ATP2B2: variants seen among roughly 807,000 people sequenced by gnomAD.
ATP2B2 encodes the protein plasma membrane calcium-transporting ATPase 2.
ATP2B2 carries 15 observed loss-of-function variants against 120.0 expected under a neutral mutation model. The observed-to-expected ratio is 0.12, with a 90% CI of 0.08 to 0.19. ATP2B2 has a LOEUF of 0.19. Ranked by LOEUF, ATP2B2 falls within the 10% of genes least tolerant of loss-of-function variation. ATP2B2 has a pLI of 1.00. For synonymous variants in ATP2B2, 694 were observed against 700.3 expected (o/e 0.99, Z 0.14); for missense variants, 1,045 against 1,719.8 (o/e 0.61, Z 6.94).
At chr3:10,519,633 A>G (rs2066943395) in intron 3 of ATP2B2, among the ~76,000 whole-genome samples, 1 of 152,206 alleles carries the variant, frequency 6.6e-6, no homozygotes, top group African/African-American at 2.4e-5. Flanking sequence ...AAAGCTTCCA[A>G]TGAATGTTTT....
chr3:10,535,688 T>C (rs1428323113), intron 2 of ATP2B2, among the ~76,000 whole-genome samples: 1 of 152,226 alleles, frequency 6.6e-6, no homozygotes, highest in African/African-American at 2.4e-5. Context: ...TAGGTGGTTG[T>C]GTGTAACAAG....
intron 3 of ATP2B2, among the ~76,000 whole-genome samples, chr3:10,518,293 G>C (rs1004389328): frequency 2.0e-5 from 3 of 152,194 alleles, no homozygotes; most frequent in East Asian, 3.9e-4. Context: ...ACACATCAAA[G>C]TAAGTGCACA....
intron 2 of ATP2B2, among the ~76,000 whole-genome samples, chr3:10,573,158 T>A (rs2068165377): frequency 6.6e-6 from 1 of 152,068 alleles, no homozygotes; most frequent in South Asian, 2.1e-4. Context: ...TACATTTTTT[T>A]TTTTTTGCAT....
chr3:10,596,309 C>A (rs1200605310), intron 2 of ATP2B2, among the ~76,000 whole-genome samples: 1 of 152,158 alleles, frequency 6.6e-6, no homozygotes, highest in Admixed American at 6.5e-5. Context: ...TATTTAGAAC[C>A]AAAGTTCTAT....
At chr3:10,543,336 T>C (rs1575478975) in intron 2 of ATP2B2, among the ~76,000 whole-genome samples, 1 of 152,212 alleles carries the variant, frequency 6.6e-6, no homozygotes, top group Non-Finnish European at 1.5e-5. Context: ...GGGAGTGTAG[T>C]GTCAAAGAAA....
At chr3:10,416,248 G>C (rs1186796422) in intron 2 of ATP2B2, among the ~76,000 whole-genome samples, 1 of 152,192 alleles carries the variant, frequency 6.6e-6, no homozygotes, top group Non-Finnish European at 1.5e-5. Context: ...GCTGCTTGCT[G>C]TCAGTGGGTA....
intron 3 of ATP2B2, among the ~76,000 whole-genome samples, chr3:10,532,977 G>T (rs1306409750): frequency 6.6e-6 from 1 of 152,216 alleles, no homozygotes. Context: ...GGGAAGGTCA[G>T]ATGAGATGGC....
At chr3:10,512,491 C>CAG (rs1162297438) in intron 3 of ATP2B2, among the ~76,000 whole-genome samples, 29 of 151,966 alleles carry the variant, frequency 1.9e-4, no homozygotes, top group African/African-American at 7.0e-4. Context: ...CACACACACA[C>CAG]ACACACACAC....
intron 2 of ATP2B2, among the ~76,000 whole-genome samples, chr3:10,445,766 C>T (rs776139161): frequency 2.0e-5 from 3 of 152,216 alleles, no homozygotes; most frequent in Non-Finnish European, 4.4e-5. Flanking sequence ...CAGAGGCCAG[C>T]TCCCTACTCG....
chr3:10,465,819 C>T (rs1055919045), intron 1 of ATP2B2, among the ~76,000 whole-genome samples: 11 of 152,188 alleles, frequency 7.2e-5, no homozygotes, highest in African/African-American at 2.2e-4. Context: ...GGTTGGGGGG[C>T]GTGTGCAGGT....
chr3:10,368,698 T>C (rs768104430), intron 12 of ATP2B2, among the ~76,000 whole-genome samples: 133 of 150,966 alleles, frequency 8.8e-4, no homozygotes, highest in Non-Finnish European at 1.5e-3. Context: ...CATCCATCTG[T>C]CCATCCACCC....
chr3:10,667,611 T>C (rs2070977502), intron 1 of ATP2B2, among the ~76,000 whole-genome samples: 1 of 152,178 alleles, frequency 6.6e-6, no homozygotes, highest in South Asian at 2.1e-4. Context: ...TTCTGGTCTT[T>C]ATAAAAAGCC....
At chr3:10,434,091 G>C (rs1358155321) in intron 2 of ATP2B2, among the ~76,000 whole-genome samples, 1 of 152,230 alleles carries the variant, frequency 6.6e-6, no homozygotes, top group Admixed American at 6.5e-5. Context: ...CTCAGCTAGG[G>C]GGTGGGGCAT....
At chr3:10,609,389 C>T (rs1010391065) in intron 2 of ATP2B2, among the ~76,000 whole-genome samples, 12 of 152,208 alleles carry the variant, frequency 7.9e-5, no homozygotes, top group Admixed American at 2.0e-4. Flanking sequence ...CTCTGGCAGC[C>T]GCAAGGAGCC....
chr3:10,495,582 G>A (rs1014298663), intron 1 of ATP2B2, among the ~76,000 whole-genome samples: 7 of 152,184 alleles, frequency 4.6e-5, no homozygotes, highest in African/African-American at 1.7e-4. Context: ...ACGTTCCCAG[G>A]GCCAGGGAAG....
At chr3:10,335,429 G>T (rs2060088763) in intron 22 of ATP2B2, among the ~76,000 whole-genome samples, 1 of 150,276 alleles carries the variant, frequency 6.7e-6, no homozygotes. Flanking sequence ...ACTCTGAACT[G>T]CTGGGGTGCA....
chr3:10,433,813 T>A (rs2063396151), intron 2 of ATP2B2, among the ~76,000 whole-genome samples: 1 of 152,226 alleles, frequency 6.6e-6, no homozygotes, highest in African/African-American at 2.4e-5. Flanking sequence ...CCTGTCTTGA[T>A]TGCCCACCTA....
At chr3:10,649,712 C>T (rs2070404538) in intron 1 of ATP2B2, among the ~76,000 whole-genome samples, 1 of 152,174 alleles carries the variant, frequency 6.6e-6, no homozygotes, top group African/African-American at 2.4e-5. Context: ...TGAATTCCCA[C>T]ATGTTGTGGG....
intron 1 of ATP2B2, among the ~76,000 whole-genome samples, chr3:10,494,657 T>C (rs949888449): frequency 1.3e-5 from 2 of 152,154 alleles, no homozygotes; most frequent in African/African-American, 4.8e-5. Context: ...CACCCAATCA[T>C]GTTCTATTGC....
Sources: allele counts gnomAD v4.1 joint callset (sites outside exome capture counted in the v4.1 genomes callset), GRCh38; gene constraint gnomAD v4.1.1; transcripts MANE v1.5; gene names NCBI Gene and HGNC (gene_info 2026-07-23, HGNC 2026-07-21).